MAST3: variants seen among roughly 807,000 people sequenced by gnomAD.
The protein encoded by MAST3 is microtubule associated serine/threonine kinase 3.
A neutral mutation model predicts 127.0 loss-of-function variants in MAST3; 43 were observed. The ratio of observed to expected loss-of-function variants is 0.34; its 90% CI spans 0.27 to 0.44. The LOEUF (loss-of-function observed/expected upper bound fraction) is 0.44. Among genes scored for constraint, MAST3 ranks in the 20% least tolerant of loss-of-function variants. The pLI is 1.00. For synonymous variants in MAST3, 785 were observed against 809.2 expected (o/e 0.97, Z 0.51); for missense variants, 1,390 against 1,919.1 (o/e 0.72, Z 5.15).
intron 3 of MAST3, chr19:18,118,302 A>G: frequency 2.1e-6 from 2 of 963,350 alleles, no homozygotes; most frequent in Non-Finnish European, 2.5e-6. Flanking sequence ...CCGAGCAAAC[A>G]GGAGTTGCCA....
intron 25 of MAST3, among the ~76,000 whole-genome samples, chr19:18,146,167 G>A (rs985468911): frequency 1.1e-4 from 16 of 152,186 alleles, no homozygotes; most frequent in African/African-American, 3.1e-4. Context: ...GGCCGGGCGC[G>A]GTGGCACACG....
intron 1 of MAST3, among the ~76,000 whole-genome samples, chr19:18,100,578 C>T (rs1339397147): frequency 1.3e-5 from 2 of 152,282 alleles, no homozygotes; most frequent in East Asian, 1.9e-4. Context: ...TATTAACAGG[C>T]TAAGCCCTCT....
chr19:18,108,321 C>T (rs569687699), intron 2 of MAST3, among the ~76,000 whole-genome samples: 1 of 150,708 alleles, frequency 6.6e-6, no homozygotes, highest in African/African-American at 2.4e-5. Context: ...TCATCTCTCT[C>T]GGGATCACAT....
At chr19:18,123,745 C>A in intron 8 of MAST3, 90 bp downstream of exon 8, 2 of 1,191,064 alleles carry the variant, frequency 1.7e-6, no homozygotes, top group Non-Finnish European at 2.3e-6. Flanking sequence ...GCTATGTCCC[C>A]TTTGCCAGTC....
At chr19:18,107,205 C>A (rs906020659) in intron 1 of MAST3, among the ~76,000 whole-genome samples, 2 of 151,980 alleles carry the variant, frequency 1.3e-5, no homozygotes, top group Non-Finnish European at 2.9e-5. Context: ...TCAAACAACC[C>A]TCCTGCTTTG....
intron 13 of MAST3, 58 bp from the exon 14 acceptor site, chr19:18,130,436 G>A: frequency 1.4e-6 from 2 of 1,472,976 alleles, no homozygotes; most frequent in Non-Finnish European, 1.9e-6. Flanking sequence ...AAGTTGAGCT[G>A]TAGTGCCTGC....
chr19:18,148,027 C>T (rs2043207321), intron 27 of MAST3, among the ~76,000 whole-genome samples: 1 of 151,904 alleles, frequency 6.6e-6, no homozygotes, highest in African/African-American at 2.4e-5. Flanking sequence ...TGAGGCCGGG[C>T]ATGGAGGCTC....
chr19:18,101,882 C>CTTTTTTTT (rs760652186), intron 1 of MAST3, among the ~76,000 whole-genome samples: 4 of 69,344 alleles, frequency 5.8e-5, no homozygotes, highest in East Asian at 4.4e-4. Flanking sequence ...GCCTCAAACT[C>CTTTTTTTT]TTTTTTTTTT....
At chr19:18,141,552 T>C (rs188060462) in intron 20 of MAST3, among the ~76,000 whole-genome samples, 1 of 151,906 alleles carries the variant, frequency 6.6e-6, no homozygotes, top group African/African-American at 2.4e-5. Context: ...TTTGTATTTT[T>C]AGTAGAGACG....
chr19:18,118,833 G>C (rs1217115148), intron 3 of MAST3, among the ~76,000 whole-genome samples: 5 of 152,154 alleles, frequency 3.3e-5, no homozygotes, highest in Non-Finnish European at 1.5e-5. Flanking sequence ...ACCTCAAGTA[G>C]CTCCTTAACC....
At chr19:18,132,290 G>T (rs2041395107) in intron 15 of MAST3, among the ~76,000 whole-genome samples, 1 of 152,192 alleles carries the variant, frequency 6.6e-6, no homozygotes, top group Non-Finnish European at 1.5e-5. Flanking sequence ...GTATGCAGGG[G>T]AAGGCCGGTG....
chr19:18,144,525 T>C lies in MAST3; in HGVS notation c.2644T>C (p.Ser882Pro). The change falls in exon 23 of 28, where the codon TCC (serine) becomes CCC (proline). Residue 882 changes from serine (S) to proline (P), a missense_variant. Ser to Pro is a moderately conservative substitution (Grantham distance 74). Transcript: ENST00000687212. The surrounding 1 kb of genome is among the most constrained non-coding windows in gnomAD (Gnocchi z 4.0). ...GAGCAATAGCATCGGCGCCCGACAC[T>C]CCACACCAAGGCCTCTGGATGCCGG... ...LRSNSIGARH[S>P]TPRPLDAGRG... The C allele has an allele frequency of 6.2e-7, 1 of 1,610,292 alleles. No homozygotes were observed. The highest frequency in any genetic ancestry group is 8.5e-7 in the Non-Finnish European group (1 of 1,179,362).
In MAST3 at chr19:18,124,072, C is replaced by T; in HGVS notation, c.767C>T (p.Ala256Val). Reference protein sequence around the residue: ...QIVELARDCLAKSGENLVTSR... With the variant: ...QIVELARDCLVKSGENLVTSR... Reference sequence around the variant, plus strand: ...GTCGAGCTGGCCCGAGACTGCTTGGCCAAGTCTGGCGAGAACCTCGTCACC... The same window carrying T: ...GTCGAGCTGGCCCGAGACTGCTTGGTCAAGTCTGGCGAGAACCTCGTCACC... The change falls in exon 9 of 28, where the codon GCC becomes GTC. Residue 256 changes from alanine (A) to valine (V), a missense_variant. Physicochemically the swap from Ala to Val is moderately conservative, Grantham distance 64. Around this residue, in one of 5 missense-constraint regions of MAST3, gnomAD observed 277 missense variants for 384.8 expected, o/e 0.72. Transcript: ENST00000687212. 6.2e-7 allele frequency: 1 copy of T among 1,609,950 alleles called. No individual in the cohort carries two copies.
At position 18,131,846 on chromosome 19, in the gene MAST3, C is replaced by T. The variant is rs2041329130; in HGVS notation, c.1433-63C>T. ...AGGATGCATAGGCATTGGGCATAAC[C>T]TAAGGGGCGGGCGGGGGGCGGGGGT... On this transcript the variant is annotated intron_variant, in intron 14 of 27. Transcript: ENST00000687212. 5.2e-6 allele frequency: 8 copies of T among 1,527,492 alleles called. No individual in the cohort carries two copies. The South Asian group carries it at 8.4e-5, about 16-fold the overall frequency. The allele number at this position is 1,527,492 out of a possible 1,614,324, so 94.6% of individuals were successfully genotyped here.
chr19:18,136,524 TC>T (rs1416499073), intron 18 of MAST3, among the ~76,000 whole-genome samples: 1 of 152,172 alleles, frequency 6.6e-6, no homozygotes, highest in Non-Finnish European at 1.5e-5. Context: ...CAAGCGATCC[TC>T]CCACCTCAGC....
At chr19:18,097,885 G>A (rs1033779778) in intron 1 of MAST3, 54 bp downstream of exon 1, 17 of 1,212,690 alleles carry the variant, frequency 1.4e-5, no homozygotes, top group Middle Eastern at 6.1e-4. Context: ...AAGTGGACGC[G>A]GCCTGAAAGG....
At position 18,101,298 on chromosome 19, in the gene MAST3, A is replaced by C. The variant is rs560630958; in HGVS notation, c.39+3467A>C. On this transcript the variant is annotated intron_variant, in intron 1 of 27. Coordinates refer to ENST00000687212, the MANE Select transcript of MAST3 (RefSeq NM_001393504.1). ...TGGCTCCTCTAGGTTCAGCCCTCCA[A>C]GGTGATCCTGCTTTCTCATGGACAG... 6.6e-5 allele frequency among the ~76,000 whole-genome samples: 10 copies of C among 151,818 alleles called. No individual in the cohort carries two copies. The South Asian group carries it at 1.9e-3, about 28-fold the overall frequency.
Position 18,134,508 on chromosome 19 carries a change from G to A in MAST3, c.1572-71G>A, listed in dbSNP as rs2041687013. The A allele has an allele frequency of 1.5e-5, 23 of 1,518,454 alleles. No homozygotes were observed. In the South Asian group the frequency reaches 2.7e-4, roughly 18 times the overall value. 94.1% of individuals were successfully genotyped at this position (1,518,454 alleles called of 1,614,324 possible). Reference sequence around the variant, plus strand: ...CTCTGCCCATCTCAGGCGGAGCCAAGGTCTAGGGCAGAAGGGGAGGCCAGG... The same window carrying A: ...CTCTGCCCATCTCAGGCGGAGCCAAAGTCTAGGGCAGAAGGGGAGGCCAGG... On this transcript the variant is annotated intron_variant, in intron 15 of 27. Transcript: ENST00000687212.
intron 5 of MAST3, among the ~76,000 whole-genome samples, chr19:18,122,470 T>G (rs1599744324): frequency 1.1e-5 from 1 of 91,170 alleles, no homozygotes; most frequent in African/African-American, 5.3e-5. Context: ...GCAGCTGGAC[T>G]CACGGGGGGG....
Sources: gnomAD v4.1 joint callset for allele counts (sites outside exome capture counted in the v4.1 genomes callset) on GRCh38, gnomAD v4.1.1 for gene constraint, gnomAD v4.1.1 regional missense constraint, Gnocchi (gnomAD v3.1) non-coding constraint, MANE v1.5 for transcripts, NCBI Gene and HGNC (gene_info 2026-07-23, HGNC 2026-07-21) for gene names.